The following AMD1 variants were observed in gnomAD, a reference collection of about 807,000 sequenced individuals.
AMD1 encodes adenosylmethionine decarboxylase 1.
In AMD1, 11 loss-of-function variants were observed where a neutral mutation model predicts 40.2. That is an observed-to-expected ratio of 0.27 (90% CI 0.17 to 0.45). The LOEUF (loss-of-function observed/expected upper bound fraction) is 0.45. AMD1 is among the 20% of genes least tolerant of loss of function. The pLI, the probability that AMD1 is intolerant of heterozygous loss-of-function variation, is 1.00. For synonymous variants in AMD1, 121 were observed against 130.8 expected, an observed-to-expected ratio of 0.93 and a Z score of 0.51; for missense variants, 257 against 410.2, an observed-to-expected ratio of 0.63 and a Z score of 3.23.
At chr6:110,887,892 G>T (rs1190706237) in intron 2 of AMD1, among the ~76,000 whole-genome samples, 1 of 152,044 alleles carries the variant, frequency 6.6e-6, no homozygotes, top group African/African-American at 2.4e-5. Flanking sequence ...CACCATGTTG[G>T]CCAGGCTGGT....
the AMD1 span, among the ~76,000 whole-genome samples, chr6:110,860,713 T>C: frequency 4.0e-5 from 6 of 151,754 alleles, no homozygotes. Context: ...GGTAGTAGAA[T>C]CCCTTGAACA....
chr6:110,867,668 C>T, the AMD1 span, among the ~76,000 whole-genome samples: 1 of 151,554 alleles, frequency 6.6e-6, no homozygotes, highest in Non-Finnish European at 1.5e-5. Context: ...TCACTCAAAA[C>T]AAAACAAAAC....
intron 1 of AMD1, among the ~76,000 whole-genome samples, chr6:110,878,034 G>A (rs1338085117): frequency 2.6e-5 from 4 of 152,186 alleles, no homozygotes; most frequent in African/African-American, 7.2e-5. Flanking sequence ...ACTAATGCAA[G>A]AAGAAATGGA....
the AMD1 span, among the ~76,000 whole-genome samples, chr6:110,853,918 C>G: frequency 6.6e-6 from 1 of 152,208 alleles, no homozygotes; most frequent in Non-Finnish European, 1.5e-5. Context: ...TCCTCTAATA[C>G]TCCATCGCAC....
the AMD1 span, chr6:110,815,019 G>C: frequency 5.6e-6 from 9 of 1,603,732 alleles, no homozygotes; most frequent in Non-Finnish European, 7.7e-6. Flanking sequence ...CCATCTTTCC[G>C]CCTCGCCTTG....
At chr6:110,865,702 C>T in the AMD1 span, among the ~76,000 whole-genome samples, 3 of 151,286 alleles carry the variant, frequency 2.0e-5, no homozygotes, top group African/African-American at 7.3e-5. Flanking sequence ...GCCCAAATTG[C>T]AGATAGTTTA....
chr6:110,858,136 G>A, the AMD1 span: 3 of 554,708 alleles, frequency 5.4e-6, no homozygotes, highest in Non-Finnish European at 1.0e-5. Context: ...GAGCCACCAT[G>A]CCCAGACCAC....
chr6:110,854,028 G>GA, the AMD1 span, among the ~76,000 whole-genome samples: 1 of 152,196 alleles, frequency 6.6e-6, no homozygotes, highest in African/African-American at 2.4e-5. Flanking sequence ...AGGGGTGAAG[G>GA]AAAATCCAGT....
the AMD1 span, among the ~76,000 whole-genome samples, chr6:110,848,342 T>C: frequency 6.6e-6 from 1 of 151,926 alleles, no homozygotes; most frequent in Non-Finnish European, 1.5e-5. Context: ...GCCAACATGG[T>C]GAAACACTGT....
the AMD1 span, among the ~76,000 whole-genome samples, chr6:110,829,401 C>T: frequency 3.3e-5 from 5 of 151,760 alleles, no homozygotes; most frequent in South Asian, 2.1e-4. Flanking sequence ...GGACATCGGC[C>T]GGGCATGGTG....
the AMD1 span, among the ~76,000 whole-genome samples, chr6:110,855,066 T>TCTC: frequency 1.0e-5 from 1 of 96,162 alleles, no homozygotes; most frequent in Non-Finnish European, 2.2e-5. Context: ...TCTCTCTCTC[T>TCTC]TTTTTTTTTT....
At chr6:110,816,617 C>G in the AMD1 span, among the ~76,000 whole-genome samples, 28 of 152,220 alleles carry the variant, frequency 1.8e-4, no homozygotes, top group Non-Finnish European at 3.7e-4. Context: ...AGGAATCTTA[C>G]CAGAAAGAGA....
At position 110,893,130 on chromosome 6, in the gene AMD1, G is replaced by A. The variant is rs1786125138; in HGVS notation, c.864+65G>A. The A allele has an allele frequency of 2.9e-6, 4 of 1,392,706 alleles. No homozygotes were observed. The African/African-American group carries it at 4.4e-5, about 15-fold the overall frequency. 86.3% of individuals were successfully genotyped at this position (1,392,706 alleles called of 1,614,324 possible). A position where few individuals can be genotyped will look rare whatever the true frequency, so the allele number is the denominator to read the frequency against. On this transcript the variant is annotated intron_variant, in intron 8 of 8. Transcript: ENST00000368885. ...TTAAAATCTTAAAGGAAATGAGACA[G>A]TGAGGCCTAAGATGTATTCTGAGAT...
upstream of AMD1, among the ~76,000 whole-genome samples, chr6:110,870,780 C>T (rs1784901905): frequency 6.6e-6 from 1 of 152,094 alleles, no homozygotes; most frequent in African/African-American, 2.4e-5. Flanking sequence ...AAAGACTTTA[C>T]TCTATGGTCA....
the AMD1 span, among the ~76,000 whole-genome samples, chr6:110,863,197 G>A: frequency 1.3e-5 from 2 of 151,328 alleles, no homozygotes; most frequent in East Asian, 2.0e-4. Flanking sequence ...CGCCCGCCTC[G>A]GCCTCCCAAA....
chr6:110,816,284 T>C, the AMD1 span, among the ~76,000 whole-genome samples: 1 of 152,064 alleles, frequency 6.6e-6, no homozygotes, highest in Non-Finnish European at 1.5e-5. Flanking sequence ...ATCCTTTGGG[T>C]TGAATTGTAA....
the AMD1 span, among the ~76,000 whole-genome samples, chr6:110,832,889 C>T: frequency 0.14 from 21,995 of 152,064 alleles, 1,787 homozygotes; most frequent in East Asian, 0.31. Context: ...GGCACGATGT[C>T]GGCTCACTGC....
At chr6:110,883,421 T>C (rs1785510416) in intron 1 of AMD1, among the ~76,000 whole-genome samples, 1 of 152,120 alleles carries the variant, frequency 6.6e-6, no homozygotes, top group African/African-American at 2.4e-5. Context: ...CAAGAAAGGC[T>C]CTCTAGTTCT....
the AMD1 span, among the ~76,000 whole-genome samples, chr6:110,831,418 G>A: frequency 2.9e-4 from 43 of 150,258 alleles, no homozygotes; most frequent in Non-Finnish European, 4.3e-4. Flanking sequence ...CAACCTGGGC[G>A]ACAGTGCAAG....
Sources: allele counts gnomAD v4.1 joint callset (sites outside exome capture counted in the v4.1 genomes callset), GRCh38; gene constraint gnomAD v4.1.1; transcripts MANE v1.5; gene names NCBI Gene and HGNC (gene_info 2026-07-23, HGNC 2026-07-21).